NELL1: variants seen among roughly 807,000 people sequenced by gnomAD.
NELL1 encodes the protein protein kinase C-binding protein NELL1.
NELL1 carries 76 observed loss-of-function variants against 107.4 expected under a neutral mutation model. The observed-to-expected ratio is 0.71, with a 90% CI of 0.59 to 0.86. The LOEUF (loss-of-function observed/expected upper bound fraction) is 0.86. Among genes scored for constraint, NELL1 ranks in the 40% least tolerant of loss-of-function variants. The pLI is 0.00. For missense variants in NELL1, 1,024 were observed against 1,005.5 expected, an observed-to-expected ratio of 1.02 and a Z score of -0.25; for synonymous variants, 353 against 341.2, an observed-to-expected ratio of 1.03 and a Z score of -0.38.
intron 15 of NELL1, among the ~76,000 whole-genome samples, chr11:21,385,544 T>A (rs1441958050): frequency 6.6e-6 from 1 of 151,786 alleles, no homozygotes. Flanking sequence ...CCATCCTACC[T>A]CCTAGTATAA....
At position 21,261,287 on chromosome 11, in the gene NELL1, C is replaced by A. The variant is rs543294210; in HGVS notation, c.1549+31833C>A. Among the ~76,000 whole-genome samples the A allele has an allele frequency of 2.6e-5, 4 of 151,062 alleles. No individual in the cohort carries two copies. The South Asian group carries it at 8.4e-4, about 32-fold the overall frequency. The stretch of plus-strand genomic sequence containing the variant: ...ATGGAGGTTTGTTGTAAGATTATTT[C>A]ATCACTCAGATATTAAGCATAGTAC... On this transcript the variant is annotated intron_variant, in intron 14 of 19. Transcript: ENST00000357134.
At chr11:20,974,574 A>G (rs1384505616) in intron 12 of NELL1, among the ~76,000 whole-genome samples, 1 of 151,870 alleles carries the variant, frequency 6.6e-6, no homozygotes, top group African/African-American at 2.4e-5. Flanking sequence ...TTTTCTCTGA[A>G]TTTGTTTTTC....
intron 18 of NELL1, among the ~76,000 whole-genome samples, chr11:21,572,411 T>A (rs1857118916): frequency 6.6e-6 from 1 of 151,050 alleles, no homozygotes. Flanking sequence ...GTGAGCAAGA[T>A]AAACATGGCC....
At chr11:21,026,998 A>G (rs16907291) in intron 12 of NELL1, among the ~76,000 whole-genome samples, 12,484 of 152,110 alleles carry the variant, frequency 0.082, 590 homozygotes, top group Middle Eastern at 0.13. Flanking sequence ...ATGACATGGC[A>G]TTTCCCAGCA....
At chr11:21,058,201 T>G in intron 12 of NELL1, among the ~76,000 whole-genome samples, 1 of 152,072 alleles carries the variant, frequency 6.6e-6, no homozygotes, top group East Asian at 1.9e-4. Context: ...ACAAATTTGG[T>G]TTCTGGTTTA....
chr11:21,098,675 G>C (rs2133700587), intron 12 of NELL1, among the ~76,000 whole-genome samples: 1 of 152,294 alleles, frequency 6.6e-6, no homozygotes, highest in African/African-American at 2.4e-5. Flanking sequence ...CAGGGTCACA[G>C]GTGTGTGAGG....
intron 2 of NELL1, among the ~76,000 whole-genome samples, chr11:20,702,654 A>G (rs989065483): frequency 7.9e-5 from 12 of 152,054 alleles, no homozygotes; most frequent in Non-Finnish European, 1.2e-4. Flanking sequence ...GTTTGTCATA[A>G]AAAGCTCTTA....
chr11:21,153,110 G>A (rs562642831), intron 13 of NELL1, among the ~76,000 whole-genome samples: 1 of 152,270 alleles, frequency 6.6e-6, no homozygotes, highest in South Asian at 2.1e-4. Flanking sequence ...CGTTCTTAGA[G>A]TAGATGGATT....
chr11:20,678,084 T>C, intron 2 of NELL1, 24 bp downstream of exon 2: 3 of 1,613,694 alleles, frequency 1.9e-6, no homozygotes, highest in South Asian at 2.2e-5. Flanking sequence ...CTTTCTTGCA[T>C]GGTGGCAGAG....
intron 12 of NELL1, among the ~76,000 whole-genome samples, chr11:21,030,235 G>C (rs1237424065): frequency 1.3e-5 from 2 of 152,176 alleles, no homozygotes; most frequent in Non-Finnish European, 2.9e-5. Context: ...AGGAACTGTA[G>C]ATGGCCAGGA....
intron 14 of NELL1, among the ~76,000 whole-genome samples, chr11:21,244,484 T>C (rs2133902176): frequency 6.6e-6 from 1 of 152,222 alleles, no homozygotes; most frequent in Admixed American, 6.5e-5. Flanking sequence ...GAGAATAAAA[T>C]CTCAATGTAG....
chr11:21,019,492 G>A (rs1043698198), intron 12 of NELL1, among the ~76,000 whole-genome samples: 11 of 152,096 alleles, frequency 7.2e-5, no homozygotes, highest in African/African-American at 2.6e-4. Flanking sequence ...TCGAATTAGG[G>A]GCTATGTGTA....
At chr11:20,871,081 T>G (rs1352787950) in intron 4 of NELL1, among the ~76,000 whole-genome samples, 1 of 152,218 alleles carries the variant, frequency 6.6e-6, no homozygotes, top group African/African-American at 2.4e-5. Context: ...AGGGACCTTC[T>G]TCACTTTTTG....
intron 2 of NELL1, among the ~76,000 whole-genome samples, chr11:20,679,178 GC>G: frequency 6.6e-6 from 1 of 152,272 alleles, no homozygotes; most frequent in African/African-American, 2.4e-5. Context: ...TAGGTGGGAT[GC>G]CATGTACTTT....
intron 14 of NELL1, among the ~76,000 whole-genome samples, chr11:21,279,498 A>G (rs1200791136): frequency 1.3e-5 from 2 of 152,206 alleles, no homozygotes; most frequent in African/African-American, 4.8e-5. Flanking sequence ...AACATATGAG[A>G]AGATGCTCAA....
chr11:21,461,974 A>G (rs971986404), intron 15 of NELL1, among the ~76,000 whole-genome samples: 1 of 152,140 alleles, frequency 6.6e-6, no homozygotes, highest in Non-Finnish European at 1.5e-5. Context: ...GCCAAATGCA[A>G]GAGCAGTGAT....
rs754749330 is a variant in NELL1, at chr11:20,847,637, A to G, written c.390A>G (p.Ile130Met). The G allele has an allele frequency of 1.2e-6, 2 of 1,613,928 alleles. No individual in the cohort carries two copies. The highest frequency in any genetic ancestry group is 1.7e-5 in the Admixed American group (1 of 59,982). Residue 130 changes from isoleucine to methionine, a missense_variant, in exon 4 of 20, where the codon ATA becomes ATG. Physicochemically the swap from Ile to Met is conservative, Grantham distance 10. Coordinates refer to ENST00000357134, the MANE Select transcript of NELL1 (RefSeq NM_006157.5). ...GGGATGAGATTCGGTATCACTACAT[A>G]CACAATGGGAAGCCAAGGACAGAGG... is the stretch of plus-strand genomic sequence containing the variant. ...GLRDEIRYHY[I>M]HNGKPRTEAL... is the part of the protein sequence containing the mutation.
chr11:21,139,148 C>G (rs1855808495), intron 13 of NELL1, among the ~76,000 whole-genome samples: 1 of 152,206 alleles, frequency 6.6e-6, no homozygotes, highest in Admixed American at 6.5e-5. Flanking sequence ...AAAATACCAT[C>G]TTAAAGTAGG....
intron 14 of NELL1, among the ~76,000 whole-genome samples, chr11:21,294,140 C>T (rs1478387363): frequency 6.6e-6 from 1 of 152,082 alleles, no homozygotes; most frequent in African/African-American, 2.4e-5. Context: ...GTGCCAGTCA[C>T]ATGGGCATTG....
Sources: allele counts gnomAD v4.1 joint callset (sites outside exome capture counted in the v4.1 genomes callset), GRCh38; gene constraint gnomAD v4.1.1; transcripts MANE v1.5; gene names NCBI Gene and HGNC (gene_info 2026-07-23, HGNC 2026-07-21).